The following ARID2 variants were observed in gnomAD, a reference collection of about 807,000 sequenced individuals.
ARID2 encodes the protein AT-rich interaction domain 2.
Under a neutral mutation model 184.6 loss-of-function variants are expected in ARID2, and 32 were observed. That is an observed-to-expected ratio of 0.17 (90% confidence interval 0.13 to 0.23). The LOEUF (loss-of-function observed/expected upper bound fraction) is 0.23, where lower values mean the gene tolerates loss of function less well. Among genes scored for constraint, ARID2 ranks in the 10% least tolerant of loss-of-function variants. ARID2 has a pLI of 1.00. For synonymous variants in ARID2, 836 were observed against 772.6 expected (o/e 1.08, Z -1.36); for missense variants, 1,696 against 2,197.6 (o/e 0.77, Z 4.56).
At chr12:45,875,849 T>C (rs953811767) in intron 16 of ARID2, among the ~76,000 whole-genome samples, 2 of 152,246 alleles carry the variant, frequency 1.3e-5, no homozygotes, top group Non-Finnish European at 2.9e-5. Context: ...GATTAGGCTT[T>C]GGCTTAATAG....
rs1285983963 is a variant in ARID2 at position 45,906,173 on chromosome 12, A to G, written c.*1095A>G. On this transcript the variant is annotated 3_prime_UTR_variant, in exon 21 of 21. Coordinates refer to ENST00000334344, the MANE Select transcript of ARID2 (RefSeq NM_152641.4). ...GGTTTAAATACATGGAATTTTATAC[A>G]GGTTTTCTCCTGTGTTATATATGCA... 8.6e-6 allele frequency: 2 copies of G among 232,584 alleles called. No individual in the cohort carries two copies. The highest frequency in any genetic ancestry group is 2.2e-5 in the African/African-American group (1 of 45,274). 14.4% of individuals were successfully genotyped at this position (232,584 alleles called of 1,614,324 possible). A position where few individuals can be genotyped will look rare whatever the true frequency, so the allele number is the denominator to read the frequency against.
chr12:45,734,319 A>G (rs1225353222), intron 3 of ARID2, among the ~76,000 whole-genome samples: 1 of 152,204 alleles, frequency 6.6e-6, no homozygotes, highest in Non-Finnish European at 1.5e-5. Context: ...CAGTGAGCGG[A>G]GATCGTGCTA....
chr12:45,871,792 G>A (rs1054408480), intron 16 of ARID2, among the ~76,000 whole-genome samples: 3 of 152,146 alleles, frequency 2.0e-5, no homozygotes, highest in Admixed American at 6.5e-5. Flanking sequence ...TTCTTTAATA[G>A]TTACAATGTT....
intron 18 of ARID2, among the ~76,000 whole-genome samples, chr12:45,892,961 T>G (rs1300637236): frequency 2.6e-5 from 4 of 152,214 alleles, no homozygotes; most frequent in Admixed American, 1.3e-4. Context: ...ATACCATGTT[T>G]TCTTGGATGA....
intron 16 of ARID2, among the ~76,000 whole-genome samples, chr12:45,875,429 T>G (rs1281265310): frequency 6.6e-6 from 1 of 152,230 alleles, no homozygotes. Context: ...ATTTTCAGAA[T>G]GGCCAATGAG....
intron 3 of ARID2, among the ~76,000 whole-genome samples, chr12:45,743,005 A>G (rs965076995): frequency 1.3e-5 from 2 of 152,100 alleles, no homozygotes; most frequent in South Asian, 4.1e-4. Flanking sequence ...AAGAAATGGT[A>G]TCTCACTATA....
intron 3 of ARID2, among the ~76,000 whole-genome samples, chr12:45,800,034 G>T (rs2138066648): frequency 6.6e-6 from 1 of 152,082 alleles, no homozygotes; most frequent in South Asian, 2.1e-4. Context: ...ATTTTATGTA[G>T]AGATGGGGGT....
intron 6 of ARID2, among the ~76,000 whole-genome samples, chr12:45,824,108 A>G (rs1394324536): frequency 6.6e-6 from 1 of 152,180 alleles, no homozygotes; most frequent in Admixed American, 6.6e-5. Context: ...GATTTATCCC[A>G]GGGATGTAAG....
intron 16 of ARID2, among the ~76,000 whole-genome samples, chr12:45,869,758 C>G (rs768649809): frequency 6.6e-6 from 1 of 151,554 alleles, no homozygotes; most frequent in East Asian, 2.0e-4. Flanking sequence ...TGGCGGGCGA[C>G]TGTAATCCCA....
chr12:45,863,063 A>C (rs529720320), intron 16 of ARID2, among the ~76,000 whole-genome samples: 2 of 152,338 alleles, frequency 1.3e-5, no homozygotes, highest in African/African-American at 4.8e-5. Flanking sequence ...ATTACAGTAT[A>C]AGTAAGTACT....
At chr12:45,764,612 C>T (rs28583490) in intron 3 of ARID2, among the ~76,000 whole-genome samples, 15,444 of 152,202 alleles carry the variant, frequency 0.1, 2,543 homozygotes, top group African/African-American at 0.34. Flanking sequence ...TGAAATAATA[C>T]TGTATGAAGC....
intron 6 of ARID2, among the ~76,000 whole-genome samples, chr12:45,824,695 C>A (rs1224619396): frequency 6.6e-6 from 1 of 151,748 alleles, no homozygotes; most frequent in Non-Finnish European, 1.5e-5. Context: ...GTAATATAGC[C>A]ATTATGGAAA....
At chr12:45,834,646 G>A (rs1290794636) in intron 6 of ARID2, among the ~76,000 whole-genome samples, 1 of 152,128 alleles carries the variant, frequency 6.6e-6, no homozygotes, top group Non-Finnish European at 1.5e-5. Flanking sequence ...GGGAGGTTGA[G>A]GCAGAATCGC....
intron 4 of ARID2, among the ~76,000 whole-genome samples, chr12:45,813,008 A>G (rs965384789): frequency 6.6e-6 from 1 of 152,134 alleles, no homozygotes; most frequent in African/African-American, 2.4e-5. Flanking sequence ...CATGTGAAAT[A>G]TTTTTGGTAT....
At chr12:45,888,065 G>A (rs1467723784) in intron 16 of ARID2, among the ~76,000 whole-genome samples, 2 of 152,016 alleles carry the variant, frequency 1.3e-5, no homozygotes, top group Non-Finnish European at 2.9e-5. Context: ...GGTGCTGGCG[G>A]GCGCCTGTAG....
rs75082213 is a variant in ARID2, at chr12:45,905,513, G to A, written c.*435G>A. On this transcript the variant is annotated 3_prime_UTR_variant, in exon 21 of 21. Coordinates refer to ENST00000334344, the MANE Select transcript of ARID2 (RefSeq NM_152641.4). Reference sequence around the variant, plus strand: ...TATATTTACAAAACCGTTTAAGCTGGTTTGAATAATTTAAAAAAGTTTCAG... The same window carrying A: ...TATATTTACAAAACCGTTTAAGCTGATTTGAATAATTTAAAAAAGTTTCAG... The A allele has an allele frequency of 6.0e-4, 140 of 233,492 alleles. No individual in the cohort carries two copies. The East Asian group carries it at 6.7e-3, about 11-fold the overall frequency. 14.5% of individuals were successfully genotyped at this position (233,492 alleles called of 1,614,324 possible).
chr12:45,790,843 A>T (rs1332579097), intron 3 of ARID2, among the ~76,000 whole-genome samples: 2 of 151,962 alleles, frequency 1.3e-5, no homozygotes, highest in Non-Finnish European at 2.9e-5. Context: ...TTTAGATATG[A>T]TTTTTTTTAA....
chr12:45,849,199 T>C (rs1943495123), intron 13 of ARID2, among the ~76,000 whole-genome samples: 1 of 152,180 alleles, frequency 6.6e-6, no homozygotes, highest in Non-Finnish European at 1.5e-5. Flanking sequence ...TGAAGTTTAC[T>C]TTCTTTTTCC....
At chr12:45,901,161 T>A (rs1333640946) in intron 20 of ARID2, among the ~76,000 whole-genome samples, 2 of 49,942 alleles carry the variant, frequency 4.0e-5, no homozygotes, top group African/African-American at 1.2e-4. Context: ...TTAATTTTTT[T>A]TTTTTTTTTT....
Sources: allele counts gnomAD v4.1 joint callset (sites outside exome capture counted in the v4.1 genomes callset), GRCh38; gene constraint gnomAD v4.1.1; transcripts MANE v1.5; gene names NCBI Gene and HGNC (gene_info 2026-07-23, HGNC 2026-07-21).